Variants in LANCL1 observed in about 807,000 individuals in gnomAD.
LANCL1 encodes the protein glutathione S-transferase LANCL1.
A neutral mutation model predicts 50.6 loss-of-function variants in LANCL1; 50 were observed. The ratio of observed to expected loss-of-function variants is 0.99; its 90% confidence interval spans 0.79 to 1.25. LANCL1 has a LOEUF of 1.25. LANCL1 is among the 50% of genes most tolerant of loss of function. The pLI, the probability that LANCL1 is intolerant of heterozygous loss-of-function variation, is 0.00. For missense variants in LANCL1, 532 were observed against 480.7 expected, an observed-to-expected ratio of 1.11 and a Z score of -1.00; for synonymous variants, 188 against 178.6, an observed-to-expected ratio of 1.05 and a Z score of -0.42.
chr2:210,455,085 C>A lies in LANCL1; in HGVS notation c.407+22G>T. ...ATGCATAATGATGCTAGAAAATAATCCTCATATAGAAACATGATTACCGTG... is the reference window on the plus strand; with the variant it reads ...ATGCATAATGATGCTAGAAAATAATACTCATATAGAAACATGATTACCGTG... On this transcript the variant is annotated intron_variant, in intron 4 of 9. Transcript: ENST00000450366. 2.5e-6 allele frequency: 4 copies of A among 1,584,506 alleles called. 1 individual carries two copies. In the South Asian group the frequency reaches 3.3e-5, roughly 13 times the overall value.
intron 7 of LANCL1, among the ~76,000 whole-genome samples, chr2:210,436,617 C>A (rs1000396203): frequency 2.0e-5 from 3 of 152,244 alleles, no homozygotes; most frequent in Middle Eastern, 3.4e-3. Context: ...TCTAAGTTTT[C>A]TGCACATGTG....
At chr2:210,437,646 T>C (rs1285002066) in intron 7 of LANCL1, 44 bp downstream of exon 7, 2 of 1,225,250 alleles carry the variant, frequency 1.6e-6, no homozygotes, top group South Asian at 4.1e-5. Flanking sequence ...AATTATAAAT[T>C]TTTGGTTATT....
intron 3 of LANCL1, among the ~76,000 whole-genome samples, chr2:210,463,214 A>C (rs1196438789): frequency 6.6e-6 from 1 of 151,744 alleles, no homozygotes; most frequent in Non-Finnish European, 1.5e-5. Context: ...AGGTTTATTT[A>C]TTTATTTTTT....
intron 9 of LANCL1, among the ~76,000 whole-genome samples, chr2:210,434,853 G>A (rs1257851716): frequency 6.6e-6 from 1 of 151,432 alleles, no homozygotes; most frequent in Non-Finnish European, 1.5e-5. Context: ...CTGCAAAAAC[G>A]AAGGATGGCT....
At chr2:210,475,058 A>G (rs1453548926) in intron 2 of LANCL1, among the ~76,000 whole-genome samples, 1 of 152,104 alleles carries the variant, frequency 6.6e-6, no homozygotes, top group Non-Finnish European at 1.5e-5. Context: ...CAAACTCCAT[A>G]TACATTTTGG....
At chr2:210,441,668 T>A (rs4673527) in intron 4 of LANCL1, among the ~76,000 whole-genome samples, 1 of 152,148 alleles carries the variant, frequency 6.6e-6, no homozygotes, top group Non-Finnish European at 1.5e-5. Context: ...AGAATACAAA[T>A]GTATGGCTGA....
chr2:210,437,264 T>G (rs2105885143), intron 7 of LANCL1, among the ~76,000 whole-genome samples: 1 of 152,362 alleles, frequency 6.6e-6, no homozygotes, highest in South Asian at 2.1e-4. Context: ...AGAAAGTCAT[T>G]CTTTTAATAG....
intron 3 of LANCL1, chr2:210,468,463 G>A (rs1052074518): frequency 1.3e-5 from 2 of 152,134 alleles, no homozygotes; most frequent in African/African-American, 4.8e-5. Flanking sequence ...AAGACTACTA[G>A]GTCTTATCCC....
At chr2:210,435,503 G>C in intron 8 of LANCL1, 44 bp from the exon 9 acceptor site, 2 of 1,470,326 alleles carry the variant, frequency 1.4e-6, no homozygotes, top group Non-Finnish European at 1.9e-6. Context: ...ATTTCTTCCA[G>C]AGACAACCCC....
intron 3 of LANCL1, among the ~76,000 whole-genome samples, chr2:210,469,508 G>T (rs974613573): frequency 6.6e-6 from 1 of 152,122 alleles, no homozygotes; most frequent in Non-Finnish European, 1.5e-5. Context: ...AATTTATCTA[G>T]AAGATTTTAC....
Position 210,476,332 on chromosome 2 carries a change from A to G in LANCL1, c.65T>C (p.Phe22Ser). 1 of 1,613,898 alleles carries G rather than the reference A, an allele frequency of 6.2e-7. No homozygotes were observed. Among genetic ancestry groups the G allele is most frequent in the Non-Finnish European group, 8.5e-7 (1 of 1,179,788 alleles). ...DYNKSLAEGYFDAAGRLTPEF... is the reference protein window; with the variant it reads ...DYNKSLAEGYSDAAGRLTPEF... ...TAAACTCACCCTCCCGGCAGCATCA[A>G]AGTAGCCTTCGGCCAGGGATTTGTT... is the stretch of plus-strand genomic sequence containing the variant. The change falls in exon 2 of 10, where the codon TTT (phenylalanine) becomes TCT (serine). Residue 22 changes from phenylalanine to serine, a missense_variant. Transcript: ENST00000450366.
At chr2:210,441,681 C>A (rs1275179900) in intron 4 of LANCL1, among the ~76,000 whole-genome samples, 1 of 152,102 alleles carries the variant, frequency 6.6e-6, no homozygotes, top group Non-Finnish European at 1.5e-5. Flanking sequence ...ATGGCTGAGG[C>A]TATCTGAAAT....
chr2:210,439,643 C>T (rs1291505064), intron 6 of LANCL1, among the ~76,000 whole-genome samples: 1 of 152,182 alleles, frequency 6.6e-6, no homozygotes, highest in Non-Finnish European at 1.5e-5. Context: ...CTGATTGCCA[C>T]TAACACTCAA....
chr2:210,441,829 C>T (rs1693146320), intron 4 of LANCL1, among the ~76,000 whole-genome samples: 1 of 152,102 alleles, frequency 6.6e-6, no homozygotes, highest in South Asian at 2.1e-4. Context: ...CCATCATCTC[C>T]TTCCTTGGTT....
chr2:210,447,689 A>G (rs1384971912), intron 4 of LANCL1, among the ~76,000 whole-genome samples: 4 of 152,166 alleles, frequency 2.6e-5, no homozygotes, highest in African/African-American at 9.7e-5. Context: ...AGCAAAAAAA[A>G]GGCAGGGGTT....
Position 210,435,410 on chromosome 2 carries a change from T to A in LANCL1, c.1100A>T (p.Asp367Val). ...EYGEHGCRTP[D>V]TPFSLFEGMA... is the part of the protein sequence containing the mutation. ...ACCTTCAAAGAGAGAGAAAGGGGTG[T>A]CTGGTGTTCTGCATCCATGTTCTCC... Residue 367 changes from aspartate (D) to valine (V), a missense_variant, in exon 9 of 10, where the codon GAC becomes GTC. Transcript: ENST00000450366. The A allele has an allele frequency of 6.2e-7, 1 of 1,613,264 alleles. No homozygotes were observed. Among genetic ancestry groups the A allele is most frequent in the Non-Finnish European group, 8.5e-7 (1 of 1,179,346 alleles).
intron 4 of LANCL1, among the ~76,000 whole-genome samples, chr2:210,449,302 G>C (rs987511784): frequency 6.6e-6 from 1 of 151,942 alleles, no homozygotes; most frequent in Non-Finnish European, 1.5e-5. Context: ...AAATTCAACA[G>C]CCCTTCATGC....
At chr2:210,453,461 A>G (rs1290574509) in intron 4 of LANCL1, among the ~76,000 whole-genome samples, 2 of 152,202 alleles carry the variant, frequency 1.3e-5, no homozygotes, top group Non-Finnish European at 2.9e-5. Context: ...GTAAAGACAC[A>G]TATTTAATTT....
intron 3 of LANCL1, among the ~76,000 whole-genome samples, chr2:210,465,760 T>G (rs921274837): frequency 3.3e-5 from 5 of 152,182 alleles, no homozygotes; most frequent in Non-Finnish European, 7.3e-5. Context: ...GCAGCAGCTT[T>G]TGCCAACCAA....
Sources: gnomAD v4.1 joint callset for allele counts (sites outside exome capture counted in the v4.1 genomes callset) on GRCh38, gnomAD v4.1.1 for gene constraint, MANE v1.5 for transcripts, NCBI Gene and HGNC (gene_info 2026-07-23, HGNC 2026-07-21) for gene names.